DNAJB4: variants seen among roughly 807,000 people sequenced by gnomAD.
DNAJB4 encodes DnaJ heat shock protein family (Hsp40) member B4.
In DNAJB4, 10 loss-of-function variants were observed where a neutral mutation model predicts 26.6. That is an observed-to-expected ratio of 0.38 (90% CI 0.23 to 0.64). The LOEUF (loss-of-function observed/expected upper bound fraction) is 0.64, where lower values mean the gene tolerates loss of function less well. Among genes scored for constraint, DNAJB4 ranks in the 30% least tolerant of loss-of-function variants. The pLI is 0.58. For missense variants in DNAJB4, 328 were observed against 408.2 expected, an observed-to-expected ratio of 0.80 and a Z score of 1.69; for synonymous variants, 136 against 134.8, an observed-to-expected ratio of 1.01 and a Z score of -0.06.
intron 2 of DNAJB4, among the ~76,000 whole-genome samples, chr1:78,015,466 T>G (rs1571452079): frequency 9.4e-6 from 1 of 105,848 alleles, no homozygotes; most frequent in Non-Finnish European, 2.1e-5. Context: ...TTTTTTTTTT[T>G]GTAACATATC....
chr1:77,997,392 T>C (rs1408029975), intron 1 of DNAJB4, among the ~76,000 whole-genome samples: 5 of 151,468 alleles, frequency 3.3e-5, no homozygotes, highest in African/African-American at 9.7e-5. Flanking sequence ...GTGGTGGTGG[T>C]GTGAGCCTGT....
chr1:78,007,788 C>T (rs942822785), intron 1 of DNAJB4, among the ~76,000 whole-genome samples: 5 of 152,110 alleles, frequency 3.3e-5, no homozygotes, highest in East Asian at 1.9e-4. Context: ...TATCTCCAGA[C>T]GTGGTTCCAT....
chr1:77,995,250 C>T (rs573736368), intron 1 of DNAJB4, among the ~76,000 whole-genome samples: 53 of 152,120 alleles, frequency 3.5e-4, no homozygotes, highest in African/African-American at 1.2e-3. Context: ...ATTAATTTCA[C>T]GTTTGTTTTT....
At position 78,013,250 on chromosome 1, in the gene DNAJB4, C is replaced by T; in HGVS notation, c.411C>T (p.Phe137=). 9 of 1,614,144 alleles carry T rather than the reference C, an allele frequency of 5.6e-6. No individual in the cohort carries two copies. The highest frequency in any genetic ancestry group is 6.8e-6 in the Non-Finnish European group (8 of 1,180,010). Residue 137 remains phenylalanine, a synonymous_variant, in exon 2 of 3, where the codon TTC becomes TTT. Coordinates refer to ENST00000370763, the MANE Select transcript of DNAJB4 (RefSeq NM_007034.5). ...IDGDPFSAFG[F]SMNGYPRDRN... is the part of the protein sequence containing the mutation. ...GTGATCCTTTTAGTGCCTTTGGTTT[C>T]AGCATGAATGGATATCCAAGAGACA...
chr1:78,011,741 C>T (rs1660482467), intron 1 of DNAJB4, among the ~76,000 whole-genome samples: 1 of 152,012 alleles, frequency 6.6e-6, no homozygotes, highest in Admixed American at 6.6e-5. Flanking sequence ...GACTCGGCCT[C>T]CCAAAGTGCT....
At chr1:78,012,162 T>C (rs895967817) in intron 1 of DNAJB4, among the ~76,000 whole-genome samples, 1 of 128,580 alleles carries the variant, frequency 7.8e-6, no homozygotes, top group Non-Finnish European at 1.7e-5. Context: ...TTCTTTTCTT[T>C]TTTTTTTTTT....
chr1:78,001,078 T>G (rs1003240374), upstream of DNAJB4, among the ~76,000 whole-genome samples: 19 of 152,022 alleles, frequency 1.2e-4, no homozygotes, highest in African/African-American at 4.1e-4. Flanking sequence ...AGCACCCTGG[T>G]TTATGCCTGT....
At chr1:78,008,723 A>G (rs1408535040) in intron 1 of DNAJB4, among the ~76,000 whole-genome samples, 1 of 152,168 alleles carries the variant, frequency 6.6e-6, no homozygotes, top group Non-Finnish European at 1.5e-5. Context: ...ACAATAGGTT[A>G]ATTTTATATA....
At chr1:78,003,227 C>G (rs1660234481), upstream of DNAJB4, among the ~76,000 whole-genome samples, 1 of 152,022 alleles carries the variant, frequency 6.6e-6, no homozygotes, top group Admixed American at 6.6e-5. Context: ...CTTTTTAAAA[C>G]TGGGAGTCTT....
At chr1:78,003,627 A>G (rs1189688703), upstream of DNAJB4, among the ~76,000 whole-genome samples, 1 of 152,140 alleles carries the variant, frequency 6.6e-6, no homozygotes, top group Non-Finnish European at 1.5e-5. Context: ...ACTGTGTGCA[A>G]TTCTTCTGAC....
intron 1 of DNAJB4, among the ~76,000 whole-genome samples, chr1:77,984,480 T>C (rs549622498): frequency 7.9e-5 from 12 of 152,144 alleles, no homozygotes; most frequent in Non-Finnish European, 1.2e-4. Flanking sequence ...CCAGAAAGCA[T>C]CATAGTTGAT....
At position 78,013,245 on chromosome 1, in the gene DNAJB4, G is replaced by C; in HGVS notation, c.406G>C (p.Gly136Arg). 1 of 1,614,132 alleles carries C rather than the reference G, an allele frequency of 6.2e-7. No homozygotes were observed. Among genetic ancestry groups the C allele is most frequent in the Non-Finnish European group, 8.5e-7 (1 of 1,180,020 alleles). Residue 136 changes from glycine to arginine, a missense_variant, in exon 2 of 3, where the codon GGT becomes CGT. Coordinates refer to ENST00000370763, the MANE Select transcript of DNAJB4 (RefSeq NM_007034.5). ...AGATGGTGATCCTTTTAGTGCCTTT[G>C]GTTTCAGCATGAATGGATATCCAAG... ...EIDGDPFSAFGFSMNGYPRDR... is the reference protein window; with the variant it reads ...EIDGDPFSAFRFSMNGYPRDR...
intron 1 of DNAJB4, 77 bp downstream of exon 1, chr1:78,005,398 T>C: frequency 8.0e-7 from 1 of 1,246,820 alleles, no homozygotes; most frequent in South Asian, 1.6e-5. Context: ...GCCAGCCTTT[T>C]TCCCCTCTCT....
chr1:77,984,637 T>G (rs977912108), intron 1 of DNAJB4, among the ~76,000 whole-genome samples: 11 of 152,202 alleles, frequency 7.2e-5, no homozygotes, highest in African/African-American at 1.9e-4. Flanking sequence ...TTTCCCCTCC[T>G]CTGTATAAAA....
upstream of DNAJB4, among the ~76,000 whole-genome samples, chr1:77,979,826 C>T (rs1200641813): frequency 6.6e-6 from 1 of 152,038 alleles, no homozygotes; most frequent in East Asian, 1.9e-4. Flanking sequence ...TCAGTGTTAG[C>T]CAGATTTAAT....
intron 1 of DNAJB4, among the ~76,000 whole-genome samples, chr1:77,982,461 T>C (rs1214274478): frequency 6.6e-6 from 1 of 152,240 alleles, no homozygotes; most frequent in East Asian, 1.9e-4. Context: ...TTAACCTGAC[T>C]AACCAATTGC....
chr1:78,013,771 C>T lies in DNAJB4; in HGVS notation c.780+152C>T, dbSNP rs1660560688. On this transcript the variant is annotated intron_variant, in intron 2 of 2. Coordinates refer to ENST00000370763, the MANE Select transcript of DNAJB4 (RefSeq NM_007034.5). ...CCTCTAAGATAGTACTAGTATTATA[C>T]CTCTTTTATGGATGTGATTATATTT... 6.6e-6 allele frequency: 4 copies of T among 610,522 alleles called. No individual in the cohort carries two copies. In the South Asian group the frequency reaches 9.7e-5, roughly 15 times the overall value. 37.8% of individuals were successfully genotyped at this position (610,522 alleles called of 1,614,324 possible).
upstream of DNAJB4, among the ~76,000 whole-genome samples, chr1:78,001,093 C>T (rs1476338077): frequency 1.3e-5 from 2 of 152,024 alleles, no homozygotes; most frequent in Non-Finnish European, 1.5e-5. Context: ...GCCTGTAATC[C>T]CAGGATCTTG....
At position 78,014,699 on chromosome 1, in the gene DNAJB4, C is replaced by G. The variant is rs377245844; in HGVS notation, c.780+1080C>G. ...TACTGCAGCCTCCACCTCCCAGGTT[C>G]AAGTAATTCTCCTGCCTCAGGTTCC... On this transcript the variant is annotated intron_variant, in intron 2 of 2. Coordinates refer to ENST00000370763, the MANE Select transcript of DNAJB4 (RefSeq NM_007034.5). 5.3e-5 allele frequency among the ~76,000 whole-genome samples: 8 copies of G among 152,168 alleles called. 1 individual carries two copies. In the East Asian group the frequency reaches 1.5e-3, roughly 29 times the overall value.
Sources: allele counts gnomAD v4.1 joint callset (sites outside exome capture counted in the v4.1 genomes callset), GRCh38; gene constraint gnomAD v4.1.1; transcripts MANE v1.5; gene names NCBI Gene and HGNC (gene_info 2026-07-23, HGNC 2026-07-21).